The following SYNPR variants were observed in gnomAD, a reference collection of about 807,000 sequenced individuals.
SYNPR encodes synaptoporin.
In SYNPR, 23 loss-of-function variants were observed where a neutral mutation model predicts 32.9. That is an observed-to-expected ratio of 0.70 (90% CI 0.50 to 0.99). SYNPR has a LOEUF of 0.99. Among genes scored for constraint, SYNPR ranks in the 50% least tolerant of loss-of-function variants. SYNPR has a pLI of 0.00. For missense variants in SYNPR, 318 were observed against 349.3 expected, an observed-to-expected ratio of 0.91 and a Z score of 0.71; for synonymous variants, 146 against 135.9, an observed-to-expected ratio of 1.07 and a Z score of -0.52.
chr3:63,408,380 GAAA>G (rs1209501948), intron 2 of SYNPR, among the ~76,000 whole-genome samples: 1 of 148,484 alleles, frequency 6.7e-6, no homozygotes, highest in East Asian at 2.0e-4. Flanking sequence ...AAGAAAGAAA[GAAA>G]AGGAAGGAAG....
intron 2 of SYNPR, among the ~76,000 whole-genome samples, chr3:63,335,351 T>TCAA (rs1207139293): frequency 6.8e-5 from 3 of 44,112 alleles, no homozygotes; most frequent in Non-Finnish European, 1.6e-4. Context: ...AGACTCCGTC[T>TCAA]CAAAAAAAAA....
intron 2 of SYNPR, among the ~76,000 whole-genome samples, chr3:63,459,498 G>C (rs1342718304): frequency 6.6e-6 from 1 of 151,974 alleles, no homozygotes; most frequent in Non-Finnish European, 1.5e-5. Flanking sequence ...AATATTCATG[G>C]GCACTAGCAT....
At chr3:63,550,984 A>C (rs1208954643) in intron 3 of SYNPR, among the ~76,000 whole-genome samples, 1 of 152,178 alleles carries the variant, frequency 6.6e-6, no homozygotes, top group Non-Finnish European at 1.5e-5. Flanking sequence ...TTGCCTATAC[A>C]GGAGCTTGGT....
At chr3:63,490,920 C>T (rs1353960374) in intron 3 of SYNPR, among the ~76,000 whole-genome samples, 1 of 152,016 alleles carries the variant, frequency 6.6e-6, no homozygotes, top group Admixed American at 6.6e-5. Flanking sequence ...GCCACCATCA[C>T]ACTAAGCTAA....
At chr3:63,528,158 T>C (rs1265693620) in intron 3 of SYNPR, among the ~76,000 whole-genome samples, 6 of 152,214 alleles carry the variant, frequency 3.9e-5, no homozygotes, top group African/African-American at 1.4e-4. Flanking sequence ...CCATGAAGTG[T>C]GTCTCCCTCT....
intron 2 of SYNPR, among the ~76,000 whole-genome samples, chr3:63,473,472 A>T: frequency 6.6e-6 from 1 of 152,220 alleles, no homozygotes; most frequent in East Asian, 1.9e-4. Flanking sequence ...GCACTGTGCA[A>T]GGTGGTAGAG....
chr3:63,513,793 A>G (rs1342841059), intron 3 of SYNPR, among the ~76,000 whole-genome samples: 9 of 152,034 alleles, frequency 5.9e-5, no homozygotes, highest in Non-Finnish European at 1.3e-4. Flanking sequence ...GGAAGGAATG[A>G]GGAGAGGAAG....
intron 3 of SYNPR, among the ~76,000 whole-genome samples, chr3:63,271,258 C>T (rs17068018): frequency 0.014 from 2,204 of 152,096 alleles, 46 homozygotes; most frequent in African/African-American, 0.049. Flanking sequence ...AGTATCCTCA[C>T]GTTAGCCCAG....
At position 63,284,727 on chromosome 3, in the gene SYNPR, T is replaced by C. The variant is rs2086663765; in HGVS notation, c.84+5985T>C. On this transcript the variant is annotated intron_variant, in intron 2 of 5. Coordinates refer to ENST00000478300, the MANE Select transcript of SYNPR (RefSeq NM_001130003.2). ...TTAATAACATTTATAATTTATGCTA[T>C]TGATAACAACAAAGTGAAATGTGTC... 2.0e-5 allele frequency among the ~76,000 whole-genome samples: 3 copies of C among 152,088 alleles called. No homozygotes were observed. In the South Asian group the frequency reaches 6.2e-4, roughly 32 times the overall value.
At chr3:63,498,976 A>T (rs188972913) in intron 3 of SYNPR, among the ~76,000 whole-genome samples, 1,449 of 136,746 alleles carry the variant, frequency 0.011, 25 homozygotes, top group African/African-American at 0.041. Flanking sequence ...ATAAAAAATT[A>T]AAAAAAAAAA....
chr3:63,610,931 A>T (rs978913867), intron 5 of SYNPR, among the ~76,000 whole-genome samples: 4 of 152,206 alleles, frequency 2.6e-5, no homozygotes, highest in Non-Finnish European at 2.9e-5. Flanking sequence ...ATTGAAACCA[A>T]ATAATGTGAT....
At chr3:63,242,736 T>C (rs1344614975) in intron 1 of SYNPR, among the ~76,000 whole-genome samples, 1 of 151,984 alleles carries the variant, frequency 6.6e-6, no homozygotes, top group Non-Finnish European at 1.5e-5. Context: ...AGGAGTGAAA[T>C]GCTGCAACCA....
chr3:63,311,866 A>C (rs1415470020), intron 2 of SYNPR, among the ~76,000 whole-genome samples: 2 of 152,014 alleles, frequency 1.3e-5, no homozygotes, highest in Non-Finnish European at 2.9e-5. Context: ...GAACTCAGCA[A>C]AACATAGAGG....
chr3:63,429,108 T>G (rs1397210962), intron 2 of SYNPR, among the ~76,000 whole-genome samples: 3 of 152,206 alleles, frequency 2.0e-5, no homozygotes, highest in Non-Finnish European at 2.9e-5. Context: ...TTTTCTTTTT[T>G]CTTTGTATGT....
At chr3:63,319,770 T>A (rs1018369542) in intron 2 of SYNPR, among the ~76,000 whole-genome samples, 4 of 151,856 alleles carry the variant, frequency 2.6e-5, no homozygotes, top group African/African-American at 9.7e-5. Context: ...ACAGGAAAAA[T>A]AATCCTAAAA....
At chr3:63,546,506 C>G (rs1702405448) in intron 3 of SYNPR, among the ~76,000 whole-genome samples, 1 of 151,996 alleles carries the variant, frequency 6.6e-6, no homozygotes, top group Non-Finnish European at 1.5e-5. Context: ...GAGGGGGGAA[C>G]AGTAATTTTC....
At chr3:63,515,178 T>C (rs1388862875) in intron 3 of SYNPR, among the ~76,000 whole-genome samples, 1 of 152,132 alleles carries the variant, frequency 6.6e-6, no homozygotes, top group East Asian at 1.9e-4. Context: ...TTTCAATTTA[T>C]GCTTTTTGCT....
chr3:63,315,958 G>C (rs2087039291), intron 2 of SYNPR, among the ~76,000 whole-genome samples: 1 of 151,906 alleles, frequency 6.6e-6, no homozygotes, highest in Non-Finnish European at 1.5e-5. Flanking sequence ...AGTGATGCTG[G>C]ATTTTGTTGA....
At chr3:63,604,164 A>G (rs73120765) in intron 4 of SYNPR, among the ~76,000 whole-genome samples, 15,917 of 151,452 alleles carry the variant, frequency 0.11, 847 homozygotes, top group Non-Finnish European at 0.13. Flanking sequence ...TAGTTTCTCC[A>G]CTCCATCTTT....
Sources: gnomAD v4.1 joint callset for allele counts (sites outside exome capture counted in the v4.1 genomes callset) on GRCh38, gnomAD v4.1.1 for gene constraint, MANE v1.5 for transcripts, NCBI Gene and HGNC (gene_info 2026-07-23, HGNC 2026-07-21) for gene names.